The following NCKAP5L variants were observed in gnomAD, a reference collection of about 807,000 sequenced individuals.
The protein encoded by NCKAP5L is NCK associated protein 5 like, also known as nck-associated protein 5-like.
In NCKAP5L, 54 loss-of-function variants were observed where a neutral mutation model predicts 103.2. The ratio of observed to expected loss-of-function variants is 0.52; its 90% CI spans 0.42 to 0.66. NCKAP5L has a LOEUF of 0.66. NCKAP5L is among the 30% of genes least tolerant of loss of function. NCKAP5L has a pLI of 0.00. For missense variants in NCKAP5L, 1,733 were observed against 1,750.6 expected, an observed-to-expected ratio of 0.99 and a Z score of 0.18; for synonymous variants, 762 against 748.6, an observed-to-expected ratio of 1.02 and a Z score of -0.29.
chr12:49,798,575 ACTCCCAGC>A, intron 6 of NCKAP5L, 112 bp from the exon 7 acceptor site: 1 of 878,426 alleles, frequency 1.1e-6, no homozygotes, highest in Non-Finnish European at 1.8e-6. Flanking sequence ...GGACTCCCAG[ACTCCCAGC>A]CCCAAATGCA....
At chr12:49,824,196 AC>A (rs1946390865) in intron 1 of NCKAP5L, among the ~76,000 whole-genome samples, 1 of 151,908 alleles carries the variant, frequency 6.6e-6, no homozygotes, top group African/African-American at 2.4e-5. Context: ...CCCATGCCCC[AC>A]CCTCCCAGAG....
chr12:49,824,160 T>C (rs1364412943), intron 1 of NCKAP5L, among the ~76,000 whole-genome samples: 5 of 152,212 alleles, frequency 3.3e-5, no homozygotes, highest in African/African-American at 1.2e-4. Flanking sequence ...TAGCCTTAGC[T>C]GGGAGTCAAG....
rs572614385 is a variant in NCKAP5L, at chr12:49,816,217, C to T, written c.-98-10176G>A. 2.0e-4 allele frequency among the ~76,000 whole-genome samples: 31 copies of T among 152,286 alleles called. 1 individual carries two copies. In the South Asian group the frequency reaches 6.2e-3, roughly 31 times the overall value. ...GCCCTTCCTTGTATTTCTGCACTCC[C>T]TGCCACGCCCTCTGCCAGTGTACCA... On this transcript the variant is annotated intron_variant, in intron 1 of 12. Transcript: ENST00000335999.
At chr12:49,807,524 T>G (rs1946193826) in intron 1 of NCKAP5L, among the ~76,000 whole-genome samples, 1 of 152,212 alleles carries the variant, frequency 6.6e-6, no homozygotes, top group Admixed American at 6.5e-5. Context: ...TTGTTAATAC[T>G]GTATAATAAT....
intron 8 of NCKAP5L, among the ~76,000 whole-genome samples, chr12:49,794,526 T>A (rs917134482): frequency 6.6e-6 from 1 of 151,976 alleles, no homozygotes; most frequent in African/African-American, 2.4e-5. Flanking sequence ...TCCAGGAAGA[T>A]GTGGACTGTT....
chr12:49,796,772 G>C lies in NCKAP5L; in HGVS notation c.1088C>G (p.Pro363Arg). 1 of 1,613,732 alleles carries C rather than the reference G, an allele frequency of 6.2e-7. No homozygotes were observed. Among genetic ancestry groups the C allele is most frequent in the East Asian group, 2.2e-5 (1 of 44,876 alleles). The change falls in exon 8 of 13, where the codon CCA (proline) becomes CGA (arginine). Residue 363 changes from proline to arginine, a missense_variant. By Grantham distance (103) the Pro-to-Arg change is moderately radical (BLOSUM62 -2). Transcript: ENST00000335999. The part of the protein sequence containing the change: ...DHPGPGQSSS[P>R]DQAPPQLSKS... The stretch of plus-strand genomic sequence containing the variant: ...AGACAGCTGTGGGGGCGCCTGGTCT[G>C]GGGAGGATGACTGCCCAGGACCTGG...
intron 1 of NCKAP5L, among the ~76,000 whole-genome samples, chr12:49,826,271 G>A (rs951156586): frequency 2.6e-5 from 4 of 151,956 alleles, no homozygotes; most frequent in East Asian, 1.9e-4. Context: ...CAGCTGAGAC[G>A]TAAACTGTCT....
In NCKAP5L at chr12:49,793,093, C is replaced by A. The variant is rs959107784; in HGVS notation, c.3341-107G>T. The A allele has an allele frequency of 4.1e-6, 4 of 974,256 alleles. No individual in the cohort carries two copies. In the Admixed American group the frequency reaches 1.2e-4, roughly 28 times the overall value. 60.4% of individuals were successfully genotyped at this position (974,256 alleles called of 1,614,324 possible). A position where few individuals can be genotyped will look rare whatever the true frequency, so the allele number is the denominator to read the frequency against. ...GGCTCCACCCTTACTCAGGGCCCCT[C>A]CTGGCCCAACAGGCTCATTCCACAG... On this transcript the variant is annotated intron_variant, in intron 10 of 12. Coordinates refer to ENST00000335999, the MANE Select transcript of NCKAP5L (RefSeq NM_001037806.4).
rs770149813 is a variant in NCKAP5L, at chr12:49,803,182, G to A, written c.124-17C>T. ...GTTCTCTGCCTGCAGGAGTGAGGGA[G>A]GAAGAGGGCAAAAAGGTGGCTTTGG... is the stretch of plus-strand genomic sequence containing the variant. On this transcript the variant is annotated splice_polypyrimidine_tract_variant and intron_variant, in intron 3 of 12. Coordinates refer to ENST00000335999, the MANE Select transcript of NCKAP5L (RefSeq NM_001037806.4). 2 of 1,613,698 alleles carry A rather than the reference G, an allele frequency of 1.2e-6. No individual in the cohort carries two copies. The highest frequency in any genetic ancestry group is 4.5e-5 in the East Asian group (2 of 44,874).
intron 1 of NCKAP5L, among the ~76,000 whole-genome samples, chr12:49,814,694 G>A (rs995916645): frequency 7.9e-5 from 12 of 151,846 alleles, no homozygotes; most frequent in African/African-American, 2.2e-4. Flanking sequence ...ATAGTAGCAC[G>A]TTCTCATGGT....
intron 1 of NCKAP5L, among the ~76,000 whole-genome samples, chr12:49,814,188 A>G (rs1946272299): frequency 6.7e-6 from 1 of 148,588 alleles, no homozygotes; most frequent in African/African-American, 2.4e-5. Flanking sequence ...ATATGATTTG[A>G]AAATATTTTC....
In NCKAP5L at chr12:49,803,914, T is replaced by C; in HGVS notation, c.123+8A>G. 6.2e-7 allele frequency: 1 copy of C among 1,604,794 alleles called. No homozygotes were observed. Among genetic ancestry groups the C allele is most frequent in the Non-Finnish European group, 8.5e-7 (1 of 1,179,630 alleles). ...GCACTGCTGCCCCTACCACGCCCCA[T>C]GCCGCACCTCCAGCTCCCGCAGTCG... On this transcript the variant is annotated splice_region_variant and intron_variant, in intron 3 of 12. Coordinates refer to ENST00000335999, the MANE Select transcript of NCKAP5L (RefSeq NM_001037806.4).
intron 1 of NCKAP5L, among the ~76,000 whole-genome samples, chr12:49,823,242 A>G (rs1028817959): frequency 3.3e-5 from 5 of 152,074 alleles, no homozygotes; most frequent in African/African-American, 1.2e-4. Context: ...GGCAGAGGGC[A>G]GGGGGAAGTT....
chr12:49,817,122 AAAACT>A (rs1314795576), intron 1 of NCKAP5L, among the ~76,000 whole-genome samples: 3 of 152,212 alleles, frequency 2.0e-5, no homozygotes, highest in African/African-American at 4.8e-5. Context: ...CTCTACACTA[AAAACT>A]ATAAAACACT....
chr12:49,799,577 A>G (rs1341186194), intron 6 of NCKAP5L, among the ~76,000 whole-genome samples: 1 of 151,996 alleles, frequency 6.6e-6, no homozygotes, highest in East Asian at 1.9e-4. Context: ...TCAGCCTCCC[A>G]AAATGTTGGG....
At chr12:49,793,187 G>T (rs928774618) in intron 10 of NCKAP5L, among the ~76,000 whole-genome samples, 165 bp downstream of exon 10, 2 of 152,208 alleles carry the variant, frequency 1.3e-5, no homozygotes, top group South Asian at 4.1e-4. Flanking sequence ...TACCCTGAGG[G>T]CAGGGAAGGA....
chr12:49,818,533 AT>A (rs966046364), intron 1 of NCKAP5L, among the ~76,000 whole-genome samples: 1 of 151,680 alleles, frequency 6.6e-6, no homozygotes, highest in Non-Finnish European at 1.5e-5. Context: ...AATTTTTTGG[AT>A]TTTTTTTGTA....
At chr12:49,821,801 C>T (rs1325898236) in intron 1 of NCKAP5L, among the ~76,000 whole-genome samples, 1 of 152,234 alleles carries the variant, frequency 6.6e-6, no homozygotes, top group Non-Finnish European at 1.5e-5. Context: ...AATGAACAGG[C>T]CGCTCATATA....
At chr12:49,809,239 C>T (rs779694801) in intron 1 of NCKAP5L, among the ~76,000 whole-genome samples, 46 of 152,292 alleles carry the variant, frequency 3.0e-4, no homozygotes, top group Non-Finnish European at 5.6e-4. Context: ...CCTGGCCTTT[C>T]AGTTAGCCAG....
Sources: allele counts gnomAD v4.1 joint callset (sites outside exome capture counted in the v4.1 genomes callset), GRCh38; gene constraint gnomAD v4.1.1; transcripts MANE v1.5; gene names NCBI Gene and HGNC (gene_info 2026-07-23, HGNC 2026-07-21).